The following SMC1B variants were observed in gnomAD, a reference collection of about 807,000 sequenced individuals.
The protein encoded by SMC1B is structural maintenance of chromosomes protein 1B.
A neutral mutation model predicts 157.9 loss-of-function variants in SMC1B; 60 were observed. The ratio of observed to expected loss-of-function variants is 0.38; its 90% CI spans 0.31 to 0.47. SMC1B has a LOEUF of 0.47. Among genes scored for constraint, SMC1B ranks in the 20% least tolerant of loss-of-function variants. SMC1B has a pLI of 0.99. For synonymous variants in SMC1B, 445 were observed against 483.0 expected, an observed-to-expected ratio of 0.92 and a Z score of 1.03; for missense variants, 1,165 against 1,426.2, an observed-to-expected ratio of 0.82 and a Z score of 2.95.
At chr22:45,360,214 C>T (rs1222166462) in intron 17 of SMC1B, among the ~76,000 whole-genome samples, 4 of 152,168 alleles carry the variant, frequency 2.6e-5, no homozygotes, top group African/African-American at 9.7e-5. Context: ...TTACCAAAAA[C>T]AGTGCTTTCC....
Position 45,355,124 on chromosome 22 carries a change from G to A in SMC1B, c.2962-9C>T. 1 of 1,613,980 alleles carries A rather than the reference G, an allele frequency of 6.2e-7. No homozygotes were observed. The stretch of plus-strand genomic sequence containing the variant: ...TGATCAGACTGTAGAGCCTATTATG[G>A]GCAAAGAACAACACTGACTGGCATG... On this transcript the variant is annotated splice_polypyrimidine_tract_variant and intron_variant, in intron 19 of 24. Transcript: ENST00000357450.
intron 22 of SMC1B, among the ~76,000 whole-genome samples, chr22:45,350,991 CT>C (rs2086610356): frequency 6.6e-6 from 1 of 152,160 alleles, no homozygotes; most frequent in Non-Finnish European, 1.5e-5. Context: ...TTGCTGATGT[CT>C]AAGAATATTC....
intron 24 of SMC1B, 36 bp downstream of exon 24, chr22:45,345,423 T>C (rs2086540452): frequency 1.4e-6 from 2 of 1,380,850 alleles, no homozygotes; most frequent in South Asian, 1.2e-5. Flanking sequence ...GAAGTTGGCA[T>C]TGGGTACACT....
At chr22:45,346,214 G>A (rs1042346625) in intron 23 of SMC1B, among the ~76,000 whole-genome samples, 1 of 152,120 alleles carries the variant, frequency 6.6e-6, no homozygotes, top group African/African-American at 2.4e-5. Flanking sequence ...CTAACAACAA[G>A]AAGAGCAAAA....
intron 21 of SMC1B, among the ~76,000 whole-genome samples, chr22:45,352,917 A>G (rs1315208153): frequency 6.6e-6 from 1 of 152,192 alleles, no homozygotes; most frequent in Non-Finnish European, 1.5e-5. Context: ...TGATACGTTC[A>G]TCAAACATGT....
Position 45,369,945 on chromosome 22 carries a change from T to A in SMC1B, c.2420+9A>T. 6.8e-7 allele frequency: 1 copy of A among 1,477,196 alleles called. No individual in the cohort carries two copies. The highest frequency in any genetic ancestry group is 9.3e-7 in the Non-Finnish European group (1 of 1,071,146). 91.5% of individuals were successfully genotyped at this position (1,477,196 alleles called of 1,614,324 possible). ...TAAGCTCCTTACCAACATCTTTTTA[T>A]AAAAATACCTTTTTTGATCAATTTC... On this transcript the variant is annotated intron_variant, in intron 15 of 24. Coordinates refer to ENST00000357450, the MANE Select transcript of SMC1B (RefSeq NM_148674.5).
At chr22:45,409,087 A>G (rs2087298585) in intron 1 of SMC1B, among the ~76,000 whole-genome samples, 189 bp from the exon 2 acceptor site, 1 of 152,224 alleles carries the variant, frequency 6.6e-6, no homozygotes, top group Non-Finnish European at 1.5e-5. Context: ...TCTATTGTAG[A>G]CTATTAAGAG....
chr22:45,394,908 G>A (rs1746619657), intron 7 of SMC1B, 141 bp from the exon 8 acceptor site: 1 of 993,612 alleles, frequency 1.0e-6, no homozygotes. Context: ...ACTTATCAGA[G>A]CAAATTACAG....
intron 12 of SMC1B, among the ~76,000 whole-genome samples, chr22:45,377,988 GC>G (rs1315037879): frequency 6.6e-6 from 1 of 151,998 alleles, no homozygotes; most frequent in Non-Finnish European, 1.5e-5. Flanking sequence ...ACAGGTGCAT[GC>G]CACCACTCCT....
At chr22:45,362,724 C>T (rs2086733707) in intron 16 of SMC1B, among the ~76,000 whole-genome samples, 161 bp downstream of exon 16, 1 of 152,134 alleles carries the variant, frequency 6.6e-6, no homozygotes, top group South Asian at 2.1e-4. Context: ...TGTTGACATC[C>T]AGTAATTCAT....
Position 45,352,459 on chromosome 22 carries a change from A to G in SMC1B, c.3417T>C (p.Ala1139=), listed in dbSNP as rs5765275. ...AGCTTTTGTGACCTTACCTGTGCAC[A>G]GCAAACAGGAGAGCCAAGGCTGCCA... ...KCVAALALLF[A]VHSFRPAPFF... is the part of the protein sequence containing the mutation. The change falls in exon 22 of 25, where the codon GCT becomes GCC. Residue 1139 remains alanine (A), a synonymous_variant. Transcript: ENST00000357450. 780,004 of 1,612,984 alleles carry G rather than the reference A, an allele frequency of 0.48. 198,182 individuals carry two copies. The highest frequency in any genetic ancestry group is 0.53 in the Non-Finnish European group (622,911 of 1,179,456).
At chr22:45,411,536 T>C (rs376570343) in intron 1 of SMC1B, among the ~76,000 whole-genome samples, 11 of 152,354 alleles carry the variant, frequency 7.2e-5, no homozygotes, top group South Asian at 2.1e-4. Flanking sequence ...GCACAACTTT[T>C]GAATATACTA....
intron 15 of SMC1B, among the ~76,000 whole-genome samples, chr22:45,367,805 G>A (rs893766348): frequency 1.3e-5 from 2 of 152,188 alleles, no homozygotes; most frequent in African/African-American, 2.4e-5. Flanking sequence ...CACCACAGAT[G>A]TAAGTCCAAT....
chr22:45,362,270 G>A (rs1052830411), intron 16 of SMC1B, among the ~76,000 whole-genome samples: 3 of 152,066 alleles, frequency 2.0e-5, no homozygotes, highest in Non-Finnish European at 4.4e-5. Flanking sequence ...GAGTGTTTCT[G>A]CTATCATGAT....
intron 23 of SMC1B, among the ~76,000 whole-genome samples, chr22:45,347,253 T>A (rs895504817): frequency 1.3e-5 from 2 of 152,202 alleles, no homozygotes; most frequent in African/African-American, 2.4e-5. Context: ...ATGTCCTGTT[T>A]CCTTTCCCAG....
rs1037561028 is a variant in SMC1B, at chr22:45,370,720, A to G, written c.2314-660T>C. On this transcript the variant is annotated intron_variant, in intron 14 of 24. Coordinates refer to ENST00000357450, the MANE Select transcript of SMC1B (RefSeq NM_148674.5). The stretch of plus-strand genomic sequence containing the variant: ...GAAAGTTACAGTTATAAACATACAG[A>G]CCCACAATATGCTGTACAGACAATA... Among the ~76,000 whole-genome samples, 4 of 152,316 alleles carry G rather than the reference A, an allele frequency of 2.6e-5. No homozygotes were observed. The East Asian group carries it at 7.7e-4, about 29-fold the overall frequency.
intron 13 of SMC1B, among the ~76,000 whole-genome samples, chr22:45,371,815 G>A (rs1162076794): frequency 1.3e-5 from 2 of 152,102 alleles, no homozygotes; most frequent in African/African-American, 2.4e-5. Context: ...TGTAATCTTT[G>A]TGAAGCCAAG....
chr22:45,413,270 C>A (rs1459838418), intron 1 of SMC1B, among the ~76,000 whole-genome samples, 189 bp downstream of exon 1: 1 of 152,014 alleles, frequency 6.6e-6, no homozygotes. Flanking sequence ...AGGACCGGGG[C>A]TGAGGTGGGG....
At chr22:45,364,593 G>C (rs1165711828) in intron 15 of SMC1B, among the ~76,000 whole-genome samples, 3 of 152,144 alleles carry the variant, frequency 2.0e-5, no homozygotes, top group East Asian at 3.9e-4. Flanking sequence ...CTCAGACAGG[G>C]GGACAACAGA....
Sources: allele counts gnomAD v4.1 joint callset (sites outside exome capture counted in the v4.1 genomes callset), GRCh38; gene constraint gnomAD v4.1.1; transcripts MANE v1.5; gene names NCBI Gene and HGNC (gene_info 2026-07-23, HGNC 2026-07-21).